The following ACAD8 variants were observed in gnomAD, a reference collection of about 807,000 sequenced individuals.
ACAD8 encodes isobutyryl-CoA dehydrogenase, mitochondrial.
Under a neutral mutation model 53.1 loss-of-function variants are expected in ACAD8, and 47 were observed. The observed-to-expected ratio is 0.89, with a 90% CI of 0.70 to 1.13. The LOEUF (loss-of-function observed/expected upper bound fraction) is 1.13. ACAD8 is among the 50% of genes most tolerant of loss of function. ACAD8 has a pLI of 0.00. For synonymous variants in ACAD8, 198 were observed against 201.3 expected (o/e 0.98, Z 0.14); for missense variants, 494 against 535.0 (o/e 0.92, Z 0.76).
Position 134,257,075 on chromosome 11 carries a change from CTT to C in ACAD8, c.211-10_211-9del, listed in dbSNP as rs1242385282. ...AATCAGCTGCTGATCACCCTGCTCT[CTT>C]TTGTACATAGGAGCTGTTCCCAGTG... On this transcript the variant is annotated splice_polypyrimidine_tract_variant and intron_variant, in intron 2 of 10. Transcript: ENST00000281182. 1 of 1,614,130 alleles carries C rather than the reference CTT, an allele frequency of 6.2e-7. No homozygotes were observed. The highest frequency in any genetic ancestry group is 2.2e-5 in the East Asian group (1 of 44,866).
At position 134,259,067 on chromosome 11, in the gene ACAD8, A is replaced by G; in HGVS notation, c.550A>G (p.Ile184Val). 6.2e-7 allele frequency: 1 copy of G among 1,614,118 alleles called. No individual in the cohort carries two copies. The highest frequency in any genetic ancestry group is 1.6e-4 in the Middle Eastern group (1 of 6,062). The change falls in exon 5 of 11, where the codon ATC becomes GTC. Residue 184 changes from isoleucine (I) to valine (V), a missense_variant. By Grantham distance (29) the Ile-to-Val change is conservative. Transcript: ENST00000281182. ...CGCTAAGAAACAGGGAGATCATTACATCCTCAATGGCTCCAAGGTACTAGC... is the reference window on the plus strand; with the variant it reads ...CGCTAAGAAACAGGGAGATCATTACGTCCTCAATGGCTCCAAGGTACTAGC... ...TSAKKQGDHY[I>V]LNGSKAFISG...
At chr11:134,254,539 A>G (rs993074469) in intron 1 of ACAD8, among the ~76,000 whole-genome samples, 1 of 152,248 alleles carries the variant, frequency 6.6e-6, no homozygotes, top group Admixed American at 6.5e-5. Flanking sequence ...TTACAACAGA[A>G]TAAGTCCCTT....
chr11:134,255,182 G>A (rs944494219), intron 1 of ACAD8, among the ~76,000 whole-genome samples: 2 of 152,166 alleles, frequency 1.3e-5, no homozygotes, highest in African/African-American at 2.4e-5. Context: ...TGTTGCCCAG[G>A]CTGGAGTACA....
At chr11:134,254,776 C>T (rs1387938431) in intron 1 of ACAD8, among the ~76,000 whole-genome samples, 1 of 152,178 alleles carries the variant, frequency 6.6e-6, no homozygotes, top group Non-Finnish European at 1.5e-5. Context: ...TTTCCCATTT[C>T]ATTTGGAGTG....
At position 134,258,593 on chromosome 11, in the gene ACAD8, G is replaced by T; in HGVS notation, c.459G>T (p.Glu153Asp). Residue 153 changes from glutamate to aspartate, a missense_variant, in exon 4 of 11, where the codon GAG (glutamate) becomes GAT (aspartate). Transcript: ENST00000281182. ...TTTGCCCACCGCTCTGTACCATGGA[G>T]AAGTTTGCTTCCTACTGCCTCACTG... ...HKFCPPLCTM[E>D]KFASYCLTEP... The T allele has an allele frequency of 6.2e-7, 1 of 1,614,018 alleles. No homozygotes were observed. Among genetic ancestry groups the T allele is most frequent in the Non-Finnish European group, 8.5e-7 (1 of 1,179,974 alleles).
chr11:134,256,072 A>T (rs1170664007), intron 1 of ACAD8, among the ~76,000 whole-genome samples: 1 of 152,144 alleles, frequency 6.6e-6, no homozygotes, highest in Admixed American at 6.5e-5. Context: ...ACACCCAGCT[A>T]ATTTTTGTAT....
At chr11:134,260,913 TC>T in intron 6 of ACAD8, 130 bp from the exon 7 acceptor site, 2 of 1,064,802 alleles carry the variant, frequency 1.9e-6, no homozygotes, top group South Asian at 2.7e-5. Flanking sequence ...TTTTTCTTTT[TC>T]CTCATTTTAA....
chr11:134,255,380 C>G (rs1939466360), intron 1 of ACAD8, among the ~76,000 whole-genome samples: 2 of 152,230 alleles, frequency 1.3e-5, no homozygotes, highest in Admixed American at 1.3e-4. Context: ...AAGTGATCCA[C>G]CTGCCTTGGC....
In ACAD8 at chr11:134,255,324, C is replaced by T. The variant is rs762113320; in HGVS notation, c.110-1224C>T. Among the ~76,000 whole-genome samples, 9 of 152,248 alleles carry T rather than the reference C, an allele frequency of 5.9e-5. No homozygotes were observed. The South Asian group carries it at 6.2e-4, about 11-fold the overall frequency. ...CTAATTTTTATATTTTTAGTAGAGA[C>T]GGGGTTTCACCATGTTGGACAAGCT... On this transcript the variant is annotated intron_variant, in intron 1 of 10. Coordinates refer to ENST00000281182, the MANE Select transcript of ACAD8 (RefSeq NM_014384.3).
At chr11:134,256,686 G>A (rs1939547196) in intron 2 of ACAD8, 38 bp downstream of exon 2, 1 of 1,548,564 alleles carries the variant, frequency 6.5e-7, no homozygotes, top group South Asian at 1.1e-5. Flanking sequence ...TCTAACAACA[G>A]ATGTCTCAGG....
intron 5 of ACAD8, 162 bp downstream of exon 5, chr11:134,259,246 T>C: frequency 2.7e-6 from 2 of 737,898 alleles, no homozygotes; most frequent in South Asian, 3.0e-5. Flanking sequence ...TCACTGTTTG[T>C]ATCTCTCCTA....
intron 4 of ACAD8, 63 bp from the exon 5 acceptor site, chr11:134,258,941 GTGCT>G: frequency 1.5e-6 from 2 of 1,310,674 alleles, no homozygotes; most frequent in Non-Finnish European, 2.2e-6. Flanking sequence ...AGATAGAATT[GTGCT>G]GGGCTCCCTC....
intron 3 of ACAD8, 73 bp from the exon 4 acceptor site, chr11:134,258,442 C>T: frequency 9.7e-7 from 1 of 1,035,220 alleles, no homozygotes; most frequent in Non-Finnish European, 1.5e-6. Context: ...TTCTCTTTCC[C>T]CTTCTCCCCC....
In ACAD8 at chr11:134,262,563, TGAA is replaced by T. The variant is rs1274874977; in HGVS notation, c.1138_1140del (p.Lys380del). ...CAGATGCACGGGGGCTACGGCTACC[TGAA>T]GGATTACGCTGTTCAGCAGTACGTG... is the stretch of plus-strand genomic sequence containing the variant. On this transcript the variant is annotated inframe_deletion, in exon 10 of 11. Transcript: ENST00000281182. The T allele has an allele frequency of 1.2e-6, 2 of 1,613,980 alleles. No homozygotes were observed. The highest frequency in any genetic ancestry group is 8.5e-7 in the Non-Finnish European group (1 of 1,180,016).
chr11:134,263,301 CATT>C, intron 10 of ACAD8: 1 of 1,003,144 alleles, frequency 1.0e-6, no homozygotes, highest in Non-Finnish European at 1.2e-6. Flanking sequence ...TTGCTGGAAA[CATT>C]ATATAATGGG....
chr11:134,262,359 C>G, intron 9 of ACAD8, 161 bp from the exon 10 acceptor site: 1 of 672,780 alleles, frequency 1.5e-6, no homozygotes, highest in Non-Finnish European at 2.7e-6. Context: ...TCCCTTGTCT[C>G]TAACCATACA....
intron 5 of ACAD8, 83 bp downstream of exon 5, chr11:134,259,167 G>A (rs1445987665): frequency 2.4e-6 from 3 of 1,238,854 alleles, no homozygotes; most frequent in Admixed American, 1.7e-5. Context: ...CACATCCGCG[G>A]GTTAATACTC....
intron 2 of ACAD8, 94 bp from the exon 3 acceptor site, chr11:134,256,994 G>A (rs893499697): frequency 1.7e-5 from 22 of 1,290,540 alleles, no homozygotes; most frequent in African/African-American, 8.8e-5. Context: ...ATACGCTGTC[G>A]CATGTGCAAG....
chr11:134,257,119 C>T lies in ACAD8; in HGVS notation c.242C>T (p.Ala81Val). 6.2e-7 allele frequency: 1 copy of T among 1,614,178 alleles called. No individual in the cohort carries two copies. Among genetic ancestry groups the T allele is most frequent in the Non-Finnish European group, 8.5e-7 (1 of 1,180,044 alleles). Residue 81 changes from alanine (A) to valine (V), a missense_variant, in exon 3 of 11, where the codon GCA (alanine) becomes GTA (valine). Ala to Val is a moderately conservative substitution (Grantham distance 64). Coordinates refer to ENST00000281182, the MANE Select transcript of ACAD8 (RefSeq NM_014384.3). ...TTCCCAGTGGATGTGATGCGGAAGG[C>T]AGCCCAGCTAGGCTTCGGAGGGGTC... ...ELFPVDVMRK[A>V]AQLGFGGVYI...
Sources: allele counts gnomAD v4.1 joint callset (sites outside exome capture counted in the v4.1 genomes callset), GRCh38; gene constraint gnomAD v4.1.1; transcripts MANE v1.5; gene names NCBI Gene and HGNC (gene_info 2026-07-23, HGNC 2026-07-21).